CCDC62: variants seen among roughly 807,000 people sequenced by gnomAD.
The protein encoded by CCDC62 is coiled-coil domain-containing protein 62.
In CCDC62, 72 loss-of-function variants were observed where a neutral mutation model predicts 80.8. The ratio of observed to expected loss-of-function variants is 0.89; its 90% CI spans 0.74 to 1.08. The LOEUF is 1.08. CCDC62 is among the 50% of genes least tolerant of loss of function. CCDC62 has a pLI of 0.00. For synonymous variants in CCDC62, 286 were observed against 296.5 expected (o/e 0.96, Z 0.36); for missense variants, 704 against 809.4 (o/e 0.87, Z 1.58).
intron 2 of CCDC62, among the ~76,000 whole-genome samples, chr12:122,778,249 G>A (rs1455105901): frequency 1.1e-4 from 17 of 151,912 alleles, no homozygotes; most frequent in Admixed American, 1.1e-3. Context: ...AGCTACTCGG[G>A]AGGCAGAGGC....
intron 11 of CCDC62, among the ~76,000 whole-genome samples, chr12:122,819,136 A>G (rs924842021): frequency 2.0e-5 from 3 of 152,220 alleles, no homozygotes; most frequent in Non-Finnish European, 4.4e-5. Flanking sequence ...TATTGGGAAG[A>G]CAGAATTTAA....
In CCDC62 at chr12:122,813,252, C is replaced by G. The variant is rs374246380; in HGVS notation, c.1852-18C>G. The G allele has an allele frequency of 1.5e-5, 23 of 1,585,078 alleles. No homozygotes were observed. In the African/African-American group the frequency reaches 2.4e-4, roughly 17 times the overall value. ...TTGTAAACCTAAGCATTTAAAGGTG[C>G]CTCTTAATTTCCTGTAGGCTTCAAT... is the stretch of plus-strand genomic sequence containing the variant. On this transcript the variant is annotated intron_variant, in intron 10 of 12. Coordinates refer to ENST00000253079, the MANE Select transcript of CCDC62 (RefSeq NM_201435.5).
chr12:122,786,346 C>A (rs1006499177), intron 4 of CCDC62, among the ~76,000 whole-genome samples: 15 of 151,942 alleles, frequency 9.9e-5, no homozygotes, highest in Non-Finnish European at 2.2e-4. Flanking sequence ...GACGGGGTTT[C>A]ACCGTGTTAG....
At chr12:122,794,059 C>A (rs573762922) in intron 6 of CCDC62, among the ~76,000 whole-genome samples, 3 of 152,184 alleles carry the variant, frequency 2.0e-5, no homozygotes, top group Non-Finnish European at 4.4e-5. Flanking sequence ...TATGGGAGGT[C>A]AAAGGAAAGA....
chr12:122,804,033 T>C (rs983495053), intron 9 of CCDC62, among the ~76,000 whole-genome samples: 1 of 152,204 alleles, frequency 6.6e-6, no homozygotes, highest in Non-Finnish European at 1.5e-5. Flanking sequence ...AGTAGAAAGA[T>C]AATTATGTTT....
chr12:122,805,249 A>G (rs1156337065), intron 9 of CCDC62, among the ~76,000 whole-genome samples: 5 of 117,144 alleles, frequency 4.3e-5, no homozygotes, highest in South Asian at 5.5e-4. Context: ...TCCCTTTTAG[A>G]TGATCCTATC....
chr12:122,786,024 C>G (rs1035739912), intron 4 of CCDC62, among the ~76,000 whole-genome samples: 1 of 152,230 alleles, frequency 6.6e-6, no homozygotes, highest in Admixed American at 6.5e-5. Flanking sequence ...GACTCTGCTT[C>G]TGGTCTTCTG....
intron 2 of CCDC62, among the ~76,000 whole-genome samples, chr12:122,778,241 C>G (rs1241114735): frequency 6.6e-6 from 1 of 151,812 alleles, no homozygotes; most frequent in Non-Finnish European, 1.5e-5. Flanking sequence ...GTAATCTCAG[C>G]TACTCGGGAG....
chr12:122,826,534 G>C lies in CCDC62; in HGVS notation c.*153G>C. On this transcript the variant is annotated 3_prime_UTR_variant, in exon 13 of 13. Coordinates refer to ENST00000253079, the MANE Select transcript of CCDC62 (RefSeq NM_201435.5). Reference sequence around the variant, plus strand: ...ATAAACGGCACTTAATTCCAGCTGGGAGCAGAACTAGAAAGTTAATTTTTA... The same window carrying C: ...ATAAACGGCACTTAATTCCAGCTGGCAGCAGAACTAGAAAGTTAATTTTTA... 2 of 738,014 alleles carry C rather than the reference G, an allele frequency of 2.7e-6. No homozygotes were observed. Among genetic ancestry groups the C allele is most frequent in the Non-Finnish European group, 5.0e-6 (2 of 398,638 alleles). 45.7% of individuals were successfully genotyped at this position (738,014 alleles called of 1,614,324 possible). A position where few individuals can be genotyped will look rare whatever the true frequency, so the allele number is the denominator to read the frequency against.
chr12:122,813,149 C>A, intron 10 of CCDC62, 121 bp from the exon 11 acceptor site: 1 of 995,800 alleles, frequency 1.0e-6, no homozygotes, highest in Non-Finnish European at 1.5e-6. Context: ...TGTGATTGTG[C>A]CACTGCACTT....
At chr12:122,786,510 T>C (rs1310748592) in intron 4 of CCDC62, among the ~76,000 whole-genome samples, 1 of 151,996 alleles carries the variant, frequency 6.6e-6, no homozygotes, top group Non-Finnish European at 1.5e-5. Context: ...GTCACTAACA[T>C]GCAATATACA....
chr12:122,822,072 C>CACACACACAG (rs2032427014), intron 11 of CCDC62, among the ~76,000 whole-genome samples: 1 of 136,324 alleles, frequency 7.3e-6, no homozygotes, highest in Non-Finnish European at 1.5e-5. Flanking sequence ...CACACACACA[C>CACACACACAG]ACACACACAC....
chr12:122,793,450 T>C (rs1239422060), intron 6 of CCDC62, among the ~76,000 whole-genome samples: 1 of 152,048 alleles, frequency 6.6e-6, no homozygotes, highest in Non-Finnish European at 1.5e-5. Context: ...AGTGGAGAAG[T>C]AGGCCTTCAC....
intron 6 of CCDC62, among the ~76,000 whole-genome samples, chr12:122,796,519 C>A (rs1052349833): frequency 2.0e-5 from 3 of 152,146 alleles, no homozygotes; most frequent in South Asian, 4.1e-4. Context: ...AGAATTGAGA[C>A]CCACGGAGTC....
At chr12:122,814,689 T>A (rs10744401) in intron 11 of CCDC62, among the ~76,000 whole-genome samples, 1 of 151,916 alleles carries the variant, frequency 6.6e-6, no homozygotes, top group Admixed American at 6.6e-5. Flanking sequence ...TGCATTTTTA[T>A]TAGAGACGGG....
At chr12:122,780,351 C>T (rs1428343826) in intron 2 of CCDC62, among the ~76,000 whole-genome samples, 2 of 149,552 alleles carry the variant, frequency 1.3e-5, no homozygotes, top group Admixed American at 1.3e-4. Flanking sequence ...TGGTGGCTCA[C>T]GCCTGTAATC....
rs747094125 is a variant in CCDC62 at position 122,791,974 on chromosome 12, G to C, written c.671-46G>C. The stretch of plus-strand genomic sequence containing the variant: ...AGGCATAGTGTGTATATGAGGACTG[G>C]AACCTAGTATTTATTTGAGGACTTT... On this transcript the variant is annotated intron_variant, in intron 5 of 12. Coordinates refer to ENST00000253079, the MANE Select transcript of CCDC62 (RefSeq NM_201435.5). The C allele has an allele frequency of 9.9e-6, 13 of 1,312,504 alleles. No homozygotes were observed. The South Asian group carries it at 1.5e-4, about 15-fold the overall frequency. 81.3% of individuals were successfully genotyped at this position (1,312,504 alleles called of 1,614,324 possible).
At chr12:122,801,933 C>T (rs2031340369) in intron 9 of CCDC62, 81 bp downstream of exon 9, 2 of 1,400,350 alleles carry the variant, frequency 1.4e-6, no homozygotes, top group Non-Finnish European at 1.9e-6. Context: ...GGAAGCCACG[C>T]CATACCTACT....
intron 11 of CCDC62, among the ~76,000 whole-genome samples, chr12:122,819,785 T>A (rs2032321930): frequency 6.6e-6 from 1 of 152,162 alleles, no homozygotes; most frequent in Non-Finnish European, 1.5e-5. Context: ...CCAGGAGCAG[T>A]GGCTCACACC....
Sources: allele counts gnomAD v4.1 joint callset (sites outside exome capture counted in the v4.1 genomes callset), GRCh38; gene constraint gnomAD v4.1.1; transcripts MANE v1.5; gene names NCBI Gene and HGNC (gene_info 2026-07-23, HGNC 2026-07-21).